NEGR1: variants seen among roughly 807,000 people sequenced by gnomAD.
The protein encoded by NEGR1 is neuronal growth regulator 1.
In NEGR1, 10 loss-of-function variants were observed where a neutral mutation model predicts 40.9. The ratio of observed to expected loss-of-function variants is 0.24; its 90% confidence interval spans 0.15 to 0.42. The LOEUF (loss-of-function observed/expected upper bound fraction) is 0.42. Ranked by LOEUF, NEGR1 falls within the 10% of genes least tolerant of loss-of-function variation. The pLI is 1.00. For synonymous variants in NEGR1, 185 were observed against 166.8 expected, an observed-to-expected ratio of 1.11 and a Z score of -0.84; for missense variants, 352 against 438.9, an observed-to-expected ratio of 0.80 and a Z score of 1.77.
chr1:72,145,264 TC>T (rs1233552616), intron 1 of NEGR1, among the ~76,000 whole-genome samples: 1 of 152,104 alleles, frequency 6.6e-6, no homozygotes, highest in Non-Finnish European at 1.5e-5. Flanking sequence ...AAAAAATGCA[TC>T]CTCAGAGTCA....
At chr1:72,139,265 A>G (rs1424480881) in intron 1 of NEGR1, among the ~76,000 whole-genome samples, 1 of 151,600 alleles carries the variant, frequency 6.6e-6, no homozygotes, top group African/African-American at 2.4e-5. Flanking sequence ...GAAAAAAAAA[A>G]AAAGAAACTC....
At chr1:71,720,500 T>G (rs1443998123) in intron 3 of NEGR1, among the ~76,000 whole-genome samples, 1 of 151,642 alleles carries the variant, frequency 6.6e-6, no homozygotes, top group East Asian at 2.1e-4. Context: ...GTTGAAGGCA[T>G]TTTTTTCCCT....
intron 2 of NEGR1, among the ~76,000 whole-genome samples, chr1:71,928,120 A>G (rs1314326911): frequency 8.6e-5 from 8 of 93,176 alleles, no homozygotes; most frequent in Admixed American, 1.4e-4. Flanking sequence ...ACACATATGT[A>G]TATATACACA....
chr1:71,901,993 T>G (rs1347238171), intron 2 of NEGR1, among the ~76,000 whole-genome samples: 3 of 152,106 alleles, frequency 2.0e-5, no homozygotes, highest in Admixed American at 6.6e-5. Context: ...TTATATTTGA[T>G]TTAAACCATA....
Position 71,659,860 on chromosome 1 carries a change from C to T in NEGR1, c.667+38148G>A, listed in dbSNP as rs142103112. Among the ~76,000 whole-genome samples, 1,440 of 152,224 alleles carry T rather than the reference C, an allele frequency of 9.5e-3. 26 individuals carry two copies. Among genetic ancestry groups the T allele is most frequent in the African/African-American group, 0.032 (1,333 of 41,542 alleles). On this transcript the variant is annotated intron_variant, in intron 4 of 6. Coordinates refer to ENST00000357731, the MANE Select transcript of NEGR1 (RefSeq NM_173808.3). Reference sequence around the variant, plus strand: ...ATGATGTTGTGGAGAAAAGGGAACACTTATACACTCTTTGTGGGAGTGTAA... The same window carrying T: ...ATGATGTTGTGGAGAAAAGGGAACATTTATACACTCTTTGTGGGAGTGTAA...
intron 2 of NEGR1, among the ~76,000 whole-genome samples, chr1:71,824,971 A>G (rs927700734): frequency 7.9e-5 from 12 of 151,918 alleles, no homozygotes; most frequent in African/African-American, 2.9e-4. Flanking sequence ...TTATTCATGT[A>G]CAAGTTTTTG....
At chr1:71,719,700 A>G (rs973931124) in intron 3 of NEGR1, among the ~76,000 whole-genome samples, 4 of 151,950 alleles carry the variant, frequency 2.6e-5, no homozygotes, top group South Asian at 2.1e-4. Flanking sequence ...CTAGGTATAC[A>G]TGTGCCATGT....
intron 1 of NEGR1, among the ~76,000 whole-genome samples, chr1:72,028,852 AC>A (rs1246394429): frequency 6.6e-6 from 1 of 152,212 alleles, no homozygotes; most frequent in Non-Finnish European, 1.5e-5. Context: ...CCCTTATTAG[AC>A]CAAGAGCTCT....
chr1:72,194,930 C>T (rs1181177946), intron 1 of NEGR1, among the ~76,000 whole-genome samples: 2 of 152,128 alleles, frequency 1.3e-5, no homozygotes, highest in East Asian at 1.9e-4. Flanking sequence ...CTGCCATGCA[C>T]GGTGACTTAC....
chr1:71,711,173 TA>T (rs1164716054), intron 3 of NEGR1, among the ~76,000 whole-genome samples: 447 of 139,766 alleles, frequency 3.2e-3, no homozygotes, highest in African/African-American at 4.1e-3. Flanking sequence ...CTGTCTCTAC[TA>T]AAAAAAAAAA....
chr1:71,531,241 A>G (rs1647348270), intron 6 of NEGR1, among the ~76,000 whole-genome samples: 1 of 151,410 alleles, frequency 6.6e-6, no homozygotes, highest in Non-Finnish European at 1.5e-5. Flanking sequence ...GGATGCCACT[A>G]GGTACCACTT....
chr1:71,709,379 A>G lies in NEGR1; in HGVS notation c.536-11240T>C, dbSNP rs368586646. 5.3e-5 allele frequency among the ~76,000 whole-genome samples: 8 copies of G among 152,090 alleles called. No homozygotes were observed. In the East Asian group the frequency reaches 1.2e-3, roughly 22 times the overall value. On this transcript the variant is annotated intron_variant, in intron 3 of 6. Transcript: ENST00000357731. ...ATGGTATCAACTCATTGTGTTTCTG[A>G]TTTGCATTTATCTAATGATTAGTAA...
At chr1:71,764,914 A>G (rs774297037) in intron 3 of NEGR1, among the ~76,000 whole-genome samples, 2 of 152,168 alleles carry the variant, frequency 1.3e-5, no homozygotes, top group Non-Finnish European at 2.9e-5. Flanking sequence ...ACCATTTCGC[A>G]ATCGGATTGT....
At chr1:71,779,712 C>T (rs888823225) in intron 2 of NEGR1, among the ~76,000 whole-genome samples, 3 of 151,816 alleles carry the variant, frequency 2.0e-5, no homozygotes, top group African/African-American at 2.4e-5. Flanking sequence ...GGATTACAGG[C>T]GCCTGCCACT....
In NEGR1 at chr1:72,119,112, C is replaced by T. The variant is rs559078226; in HGVS notation, c.176+163207G>A. Reference sequence around the variant, plus strand: ...TCTAATTATTTTCTTCATCATGTTTCGTACTTTAGATATGATTTACAGTAA... The same window carrying T: ...TCTAATTATTTTCTTCATCATGTTTTGTACTTTAGATATGATTTACAGTAA... On this transcript the variant is annotated intron_variant, in intron 1 of 6. Transcript: ENST00000357731. Among the ~76,000 whole-genome samples, 8 of 151,892 alleles carry T rather than the reference C, an allele frequency of 5.3e-5. No individual in the cohort carries two copies. The South Asian group carries it at 1.2e-3, about 24-fold the overall frequency.
At position 71,819,154 on chromosome 1, in the gene NEGR1, A is replaced by G. The variant is rs368179172; in HGVS notation, c.410-42857T>C. Reference sequence around the variant, plus strand: ...GTGATGTTGGTGCCAGTAACAGCTTATTATCTTCTCATGGTGATAGAATTC... The same window carrying G: ...GTGATGTTGGTGCCAGTAACAGCTTGTTATCTTCTCATGGTGATAGAATTC... On this transcript the variant is annotated intron_variant, in intron 2 of 6. Transcript: ENST00000357731. Among the ~76,000 whole-genome samples, 37 of 152,092 alleles carry G rather than the reference A, an allele frequency of 2.4e-4. No homozygotes were observed. The East Asian group carries it at 6.6e-3, about 27-fold the overall frequency.
At chr1:71,467,864 C>T (rs905612060) in intron 6 of NEGR1, among the ~76,000 whole-genome samples, 1 of 151,900 alleles carries the variant, frequency 6.6e-6, no homozygotes, top group African/African-American at 2.4e-5. Context: ...ACTTCATTGG[C>T]TTTGTATATT....
At chr1:72,203,880 C>A (rs1342863) in intron 1 of NEGR1, among the ~76,000 whole-genome samples, 31,362 of 152,016 alleles carry the variant, frequency 0.21, 3,744 homozygotes, top group South Asian at 0.28. Context: ...TTGTTAGCAT[C>A]TTTTTAGCAA....
chr1:71,462,392 A>G (rs1433210049), intron 6 of NEGR1, among the ~76,000 whole-genome samples: 1 of 152,124 alleles, frequency 6.6e-6, no homozygotes, highest in Non-Finnish European at 1.5e-5. Flanking sequence ...GGCAATGGAG[A>G]TGCAAAGAGG....
Sources: allele counts gnomAD v4.1 joint callset (sites outside exome capture counted in the v4.1 genomes callset), GRCh38; gene constraint gnomAD v4.1.1; transcripts MANE v1.5; gene names NCBI Gene and HGNC (gene_info 2026-07-23, HGNC 2026-07-21).